Variants in NFE2L2 observed in about 807,000 individuals in gnomAD.
The protein encoded by NFE2L2 is nuclear factor erythroid 2-related factor 2.
A neutral mutation model predicts 49.6 loss-of-function variants in NFE2L2; 20 were observed. The observed-to-expected ratio is 0.40, with a 90% CI of 0.28 to 0.59. NFE2L2 has a LOEUF of 0.59. NFE2L2 is among the 20% of genes least tolerant of loss of function. The pLI, the probability that NFE2L2 is intolerant of heterozygous loss-of-function variation, is 0.40. For synonymous variants in NFE2L2, 244 were observed against 256.5 expected (o/e 0.95, Z 0.47); for missense variants, 578 against 714.2 (o/e 0.81, Z 2.17).
chr2:177,260,357 A>G (rs1690689073), intron 1 of NFE2L2, among the ~76,000 whole-genome samples: 1 of 152,214 alleles, frequency 6.6e-6, no homozygotes, highest in Admixed American at 6.5e-5. Context: ...CTTTTAGGCA[A>G]ATCATCCATC....
chr2:177,257,099 C>T (rs1214543475), intron 1 of NFE2L2, among the ~76,000 whole-genome samples: 1 of 152,248 alleles, frequency 6.6e-6, no homozygotes, highest in Non-Finnish European at 1.5e-5. Context: ...CTTTATCAGG[C>T]AGATACAGAG....
intron 1 of NFE2L2, among the ~76,000 whole-genome samples, chr2:177,259,598 TA>T (rs1185941305): frequency 6.6e-6 from 1 of 152,134 alleles, no homozygotes; most frequent in Non-Finnish European, 1.5e-5. Context: ...GGATTTTGTT[TA>T]ACAGTCTTGT....
intron 2 of NFE2L2, 98 bp from the exon 3 acceptor site, chr2:177,233,437 T>C: frequency 1.1e-6 from 1 of 901,118 alleles, no homozygotes; most frequent in Non-Finnish European, 1.7e-6. Flanking sequence ...ATATTTATAA[T>C]CAAGTTAAGT....
In NFE2L2 at chr2:177,231,319, T is replaced by G; in HGVS notation, c.1284A>C (p.Lys428Asn). Residue 428 changes from lysine to asparagine, a missense_variant, in exon 5 of 5, where the codon AAA becomes AAC. Lys to Asn is a moderately conservative substitution (Grantham distance 94). Around this residue, in one of 3 missense-constraint regions of NFE2L2, gnomAD observed 368 missense variants for 384.6 expected, o/e 0.96. Coordinates refer to ENST00000397062, the MANE Select transcript of NFE2L2 (RefSeq NM_006164.5). Reference protein sequence around the residue: ...HDAQCENTPEKELPVSPGHRK... With the variant: ...HDAQCENTPENELPVSPGHRK... Reference sequence around the variant, plus strand: ...GATGACCAGGACTTACAGGCAATTCTTTCTCTGGTGTGTTCTCACATTGGG... The same window carrying G: ...GATGACCAGGACTTACAGGCAATTCGTTCTCTGGTGTGTTCTCACATTGGG... 1 of 1,614,286 alleles carries G rather than the reference T, an allele frequency of 6.2e-7. No homozygotes were observed. The highest frequency in any genetic ancestry group is 8.5e-7 in the Non-Finnish European group (1 of 1,180,054).
chr2:177,253,815 AACAAT>A (rs1690424235), intron 1 of NFE2L2, among the ~76,000 whole-genome samples: 1 of 152,238 alleles, frequency 6.6e-6, no homozygotes, highest in African/African-American at 2.4e-5. Flanking sequence ...CCTTCAAATA[AACAAT>A]ACAATAGATT....
At chr2:177,242,349 C>G (rs1314926475) in intron 1 of NFE2L2, among the ~76,000 whole-genome samples, 1 of 152,184 alleles carries the variant, frequency 6.6e-6, no homozygotes, top group African/African-American at 2.4e-5. Context: ...GAGGTAGCAA[C>G]AGTTACCACG....
At chr2:177,236,517 C>T (rs924807345) in intron 1 of NFE2L2, among the ~76,000 whole-genome samples, 2 of 152,184 alleles carry the variant, frequency 1.3e-5, no homozygotes, top group Non-Finnish European at 2.9e-5. Flanking sequence ...CATATAGAAA[C>T]TATTCCTCAA....
chr2:177,242,770 G>T (rs538934163), intron 1 of NFE2L2, among the ~76,000 whole-genome samples: 1 of 152,306 alleles, frequency 6.6e-6, no homozygotes, highest in Non-Finnish European at 1.5e-5. Flanking sequence ...GGCACATGCA[G>T]AGTTCGGTCA....
intron 1 of NFE2L2, among the ~76,000 whole-genome samples, chr2:177,234,864 C>T (rs1689684896): frequency 6.6e-6 from 1 of 152,102 alleles, no homozygotes; most frequent in Non-Finnish European, 1.5e-5. Flanking sequence ...GCCTGTAATC[C>T]CAGCACTTTG....
chr2:177,232,774 G>A (rs906874260), intron 3 of NFE2L2, 191 bp from the exon 4 acceptor site: 2 of 584,370 alleles, frequency 3.4e-6, no homozygotes, highest in Non-Finnish European at 6.0e-6. Flanking sequence ...ATAATTTGCT[G>A]GTCTGTTTCA....
At chr2:177,263,208 G>T (rs1574288283) in intron 1 of NFE2L2, among the ~76,000 whole-genome samples, 1 of 152,228 alleles carries the variant, frequency 6.6e-6, no homozygotes, top group East Asian at 1.9e-4. Context: ...ACAGAAATTA[G>T]CAAGTGTTTT....
chr2:177,247,093 T>C (rs959834069), intron 1 of NFE2L2, among the ~76,000 whole-genome samples: 12 of 152,188 alleles, frequency 7.9e-5, no homozygotes, highest in African/African-American at 2.9e-4. Context: ...CTAAGATAAA[T>C]ACTTAAAAGT....
At chr2:177,258,661 GA>G (rs557028562) in intron 1 of NFE2L2, among the ~76,000 whole-genome samples, 186 of 148,934 alleles carry the variant, frequency 1.2e-3, no homozygotes, top group Non-Finnish European at 2.3e-3. Flanking sequence ...TACTATAGAG[GA>G]AAAAAAAACA....
At position 177,230,412 on chromosome 2, in the gene NFE2L2, G is replaced by A. The variant is rs1341073731; in HGVS notation, c.*373C>T. On this transcript the variant is annotated 3_prime_UTR_variant, in exon 5 of 5. Coordinates refer to ENST00000397062, the MANE Select transcript of NFE2L2 (RefSeq NM_006164.5). ...AAAAATGCCATTTTTTGTCCATACA[G>A]TATTTATAAAAAAGTACATAGTGGT... The A allele has an allele frequency of 4.2e-6, 1 of 237,104 alleles. No homozygotes were observed. The highest frequency in any genetic ancestry group is 6.1e-5 in the East Asian group (1 of 16,412). 14.7% of individuals were successfully genotyped at this position (237,104 alleles called of 1,614,324 possible).
chr2:177,239,123 C>A (rs1689858475), intron 1 of NFE2L2, among the ~76,000 whole-genome samples: 1 of 152,108 alleles, frequency 6.6e-6, no homozygotes, highest in African/African-American at 2.4e-5. Flanking sequence ...CTTTATGAAT[C>A]CTTATCAACA....
At chr2:177,233,099 G>A (rs1460711580) in intron 3 of NFE2L2, 151 bp downstream of exon 3, 4 of 642,810 alleles carry the variant, frequency 6.2e-6, no homozygotes, top group Non-Finnish European at 7.8e-6. Flanking sequence ...AGGTTTCCTT[G>A]ACAAGAGTAT....
chr2:177,244,522 T>G (rs1690056152), intron 1 of NFE2L2, among the ~76,000 whole-genome samples: 1 of 152,158 alleles, frequency 6.6e-6, no homozygotes, highest in Admixed American at 6.5e-5. Context: ...CCAGGCAGCA[T>G]GGAGGAGGTG....
intron 1 of NFE2L2, among the ~76,000 whole-genome samples, chr2:177,254,366 T>C (rs940240612): frequency 6.6e-5 from 10 of 152,188 alleles, no homozygotes; most frequent in Non-Finnish European, 1.2e-4. Flanking sequence ...ATAAACAAGC[T>C]GCCACCTGGT....
At chr2:177,250,073 A>G (rs762827367) in intron 1 of NFE2L2, among the ~76,000 whole-genome samples, 8 of 152,206 alleles carry the variant, frequency 5.3e-5, no homozygotes, top group Non-Finnish European at 1.0e-4. Context: ...TACTGTTAGC[A>G]ATTATTTGTA....
Sources: allele counts gnomAD v4.1 joint callset (sites outside exome capture counted in the v4.1 genomes callset), GRCh38; gene constraint gnomAD v4.1.1; regional missense constraint gnomAD v4.1.1; transcripts MANE v1.5; gene names NCBI Gene and HGNC (gene_info 2026-07-23, HGNC 2026-07-21).